Variants in RHOG observed in about 807,000 individuals in gnomAD.
The protein encoded by RHOG is ras homolog family member G.
Under a neutral mutation model 12.3 loss-of-function variants are expected in RHOG, and 1 was observed. That is an observed-to-expected ratio of 0.08 (90% confidence interval 0.03 to 0.39). The LOEUF is 0.39. Ranked by LOEUF, RHOG falls within the 10% of genes least tolerant of loss-of-function variation. RHOG has a pLI of 0.99. For synonymous variants in RHOG, 129 were observed against 116.0 expected, an observed-to-expected ratio of 1.11 and a Z score of -0.72; for missense variants, 114 against 266.2, an observed-to-expected ratio of 0.43 and a Z score of 3.98.
intron 1 of RHOG, among the ~76,000 whole-genome samples, chr11:3,837,295 G>A (rs1216972337): frequency 6.6e-6 from 1 of 152,194 alleles, no homozygotes; most frequent in East Asian, 1.9e-4. Context: ...GTGAGGCAGA[G>A]CTGGAGTAGG....
chr11:3,834,483 C>A (rs1403852965), intron 1 of RHOG, among the ~76,000 whole-genome samples: 1 of 152,212 alleles, frequency 6.6e-6, no homozygotes, highest in Non-Finnish European at 1.5e-5. Flanking sequence ...GCCCACCCCC[C>A]AACAGACAAG....
chr11:3,830,010 G>C (rs560655376), intron 1 of RHOG, among the ~76,000 whole-genome samples: 56 of 152,308 alleles, frequency 3.7e-4, no homozygotes, highest in African/African-American at 1.3e-3. Flanking sequence ...CTTCCAAAAA[G>C]TGCTGGGATT....
chr11:3,840,240 C>A lies in RHOG; in HGVS notation c.-69+654G>T, dbSNP rs1035463353. ...CCAGGCTCTGGTCAGCTAGGAACAG[C>A]GTCTGCTCACTAAATACCTACTGCT... On this transcript the variant is annotated intron_variant, in intron 1 of 1. Transcript: ENST00000351018. Among the ~76,000 whole-genome samples the A allele has an allele frequency of 4.6e-5, 7 of 152,142 alleles. No individual in the cohort carries two copies. The East Asian group carries it at 9.7e-4, about 21-fold the overall frequency.
chr11:3,834,900 C>T (rs145855016), intron 1 of RHOG, among the ~76,000 whole-genome samples: 1 of 152,306 alleles, frequency 6.6e-6, no homozygotes, highest in Non-Finnish European at 1.5e-5. Flanking sequence ...CTCCCTGAAC[C>T]TCATTATAAC....
intron 1 of RHOG, among the ~76,000 whole-genome samples, chr11:3,828,628 T>TC (rs1303132966): frequency 1.3e-5 from 2 of 149,322 alleles, no homozygotes; most frequent in African/African-American, 5.0e-5. Context: ...AGCTATTTTT[T>TC]TTTTTTTTTT....
At chr11:3,836,322 A>G (rs1250687414) in intron 1 of RHOG, among the ~76,000 whole-genome samples, 1 of 146,720 alleles carries the variant, frequency 6.8e-6, no homozygotes, top group Non-Finnish European at 1.5e-5. Flanking sequence ...ATGCTACTGC[A>G]TTCCAGCCTG....
chr11:3,832,906 G>A (rs1414417743), intron 1 of RHOG, among the ~76,000 whole-genome samples: 1 of 152,078 alleles, frequency 6.6e-6, no homozygotes, highest in Non-Finnish European at 1.5e-5. Context: ...GAATCATTAA[G>A]CCCAGCTCAG....
At chr11:3,840,413 G>C (rs2090184119) in intron 1 of RHOG, among the ~76,000 whole-genome samples, 1 of 151,938 alleles carries the variant, frequency 6.6e-6, no homozygotes, top group African/African-American at 2.4e-5. Context: ...GCATCCATCT[G>C]ACAGGGAGAG....
At chr11:3,837,053 A>C (rs2135141180) in intron 1 of RHOG, among the ~76,000 whole-genome samples, 1 of 152,186 alleles carries the variant, frequency 6.6e-6, no homozygotes, top group South Asian at 2.1e-4. Context: ...GCAGCTCAGC[A>C]GTCCCTGGGC....
rs1226594309 is a variant in RHOG at position 3,827,690 on chromosome 11, T to G, written c.449A>C (p.His150Pro). 1 of 1,613,968 alleles carries G rather than the reference T, an allele frequency of 6.2e-7. No homozygotes were observed. The highest frequency in any genetic ancestry group is 1.3e-5 in the African/African-American group (1 of 74,940). Residue 150 changes from histidine to proline, a missense_variant, in exon 2 of 2, where the codon CAC (histidine) becomes CCC (proline). By Grantham distance (77) the His-to-Pro change is moderately conservative. This residue lies in a region of RHOG where 61 missense variants were observed against 101.4 expected (regional missense o/e 0.60). Transcript: ENST00000351018. The surrounding 1 kb of genome is among the most constrained non-coding windows in gnomAD (Gnocchi z 7.3). ...TGAGCATTCGAGGTAGCGCACAGCG[T>G]GGATCTGCTTGGCCAGTGCCTGGCC... Reference protein sequence around the residue: ...QQGQALAKQIHAVRYLECSAL... With the variant: ...QQGQALAKQIPAVRYLECSAL...
chr11:3,836,931 A>C (rs1257661301), intron 1 of RHOG, among the ~76,000 whole-genome samples: 1 of 136,884 alleles, frequency 7.3e-6, no homozygotes, highest in Non-Finnish European at 1.6e-5. Flanking sequence ...AAAAAAAAAA[A>C]GCTGAGCCTC....
intron 1 of RHOG, among the ~76,000 whole-genome samples, chr11:3,836,902 C>CA (rs57344316): frequency 0.013 from 380 of 29,240 alleles, 45 homozygotes; most frequent in African/African-American, 0.019. Context: ...GACTCCATCT[C>CA]AAAAAAAAAA....
intron 1 of RHOG, among the ~76,000 whole-genome samples, chr11:3,828,704 A>G (rs1429935470): frequency 1.3e-5 from 2 of 148,440 alleles, no homozygotes; most frequent in Non-Finnish European, 3.0e-5. Flanking sequence ...GCTTACTGCA[A>G]GCTCCGCCTC....
intron 1 of RHOG, among the ~76,000 whole-genome samples, chr11:3,838,503 C>A (rs2090169485): frequency 8.1e-6 from 1 of 123,924 alleles, no homozygotes; most frequent in South Asian, 2.3e-4. Context: ...GTATGCACAT[C>A]CTTCTCTAAC....
At position 3,827,273 on chromosome 11, in the gene RHOG, C is replaced by T. The variant is rs897447107; in HGVS notation, c.*290G>A. 2.4e-5 allele frequency: 11 copies of T among 461,682 alleles called. No homozygotes were observed. Among genetic ancestry groups the T allele is most frequent in the Non-Finnish European group, 4.3e-5 (11 of 254,802 alleles). The allele number at this position is 461,682 out of a possible 1,614,324, so 28.6% of individuals were successfully genotyped here. A position where few individuals can be genotyped will look rare whatever the true frequency, so the allele number is the denominator to read the frequency against. On this transcript the variant is annotated 3_prime_UTR_variant, in exon 2 of 2. Coordinates refer to ENST00000351018, the MANE Select transcript of RHOG (RefSeq NM_001665.4). This position sits in a 1 kb window ranked among gnomAD's most constrained non-coding sequence, Gnocchi z 7.3. ...GAAAGCTGGATGAACTGGTCAGTAG[C>T]GGAAAATGGGAGGGGGCACTGGGTT...
Position 3,827,331 on chromosome 11 carries a change from GA to G in RHOG, c.*231del. On this transcript the variant is annotated 3_prime_UTR_variant, in exon 2 of 2. Transcript: ENST00000351018. This position sits in a 1 kb window ranked among gnomAD's most constrained non-coding sequence, Gnocchi z 7.3. ...TGGGGAGGGGTCCAACCTTGGCTTGGATGAGCTCATGAGAATACCCAGTGTT... is the reference window on the plus strand; with the variant it reads ...TGGGGAGGGGTCCAACCTTGGCTTGGTGAGCTCATGAGAATACCCAGTGTT... 1.8e-6 allele frequency: 1 copy of G among 562,134 alleles called. No individual in the cohort carries two copies. The highest frequency in any genetic ancestry group is 3.1e-5 in the Admixed American group (1 of 31,918). 34.8% of individuals were successfully genotyped at this position (562,134 alleles called of 1,614,324 possible). A position where few individuals can be genotyped will look rare whatever the true frequency, so the allele number is the denominator to read the frequency against.
intron 1 of RHOG, among the ~76,000 whole-genome samples, chr11:3,838,238 C>T (rs1327546011): frequency 6.6e-6 from 1 of 152,234 alleles, no homozygotes; most frequent in Non-Finnish European, 1.5e-5. Context: ...CCTTTACCCC[C>T]CAATATTTTC....
chr11:3,829,937 G>A (rs1366674921), intron 1 of RHOG, among the ~76,000 whole-genome samples: 1 of 152,096 alleles, frequency 6.6e-6, no homozygotes, highest in Non-Finnish European at 1.5e-5. Flanking sequence ...AGTAGAGACG[G>A]GGTTTCACCA....
intron 1 of RHOG, among the ~76,000 whole-genome samples, chr11:3,840,142 T>C (rs995132502): frequency 1.9e-4 from 29 of 152,168 alleles, no homozygotes; most frequent in African/African-American, 7.0e-4. Context: ...TCAGGGACTA[T>C]CAGTACCTCT....
Sources: allele counts gnomAD v4.1 joint callset (sites outside exome capture counted in the v4.1 genomes callset), GRCh38; gene constraint gnomAD v4.1.1; regional missense constraint gnomAD v4.1.1; non-coding constraint Gnocchi (gnomAD v3.1); transcripts MANE v1.5; gene names NCBI Gene and HGNC (gene_info 2026-07-23, HGNC 2026-07-21).